ZNF136: variants seen among roughly 807,000 people sequenced by gnomAD.
The protein encoded by ZNF136 is zinc finger protein 136 (clone pHZ-20).
In ZNF136, 8 loss-of-function variants were observed where a neutral mutation model predicts 11.4. The ratio of observed to expected loss-of-function variants is 0.70; its 90% CI spans 0.41 to 1.27. ZNF136 has a LOEUF of 1.27. Among genes scored for constraint, ZNF136 ranks in the 50% most tolerant of loss-of-function variants. ZNF136 has a pLI of 0.01. For synonymous variants in ZNF136, 190 were observed against 207.1 expected (o/e 0.92, Z 0.71); for missense variants, 590 against 656.5 (o/e 0.90, Z 1.11).
At position 12,189,838 on chromosome 19, in the gene ZNF136, C is replaced by T. The variant is rs1009639181; in HGVS notation, c.*1837C>T. The T allele has an allele frequency of 6.6e-6, 1 of 152,172 alleles. No individual in the cohort carries two copies. The highest frequency in any genetic ancestry group is 6.5e-5 in the Admixed American group (1 of 15,272). The allele number at this position is 152,172 out of a possible 1,614,324, so 9.4% of individuals were successfully genotyped here. ...TATAATTGATTTTGGGATAAGGAGA[C>T]AGCTATGATAGAATAATAAAATCTA... is the stretch of plus-strand genomic sequence containing the variant. On this transcript the variant is annotated 3_prime_UTR_variant, in exon 4 of 4. Transcript: ENST00000343979.
At chr19:12,178,253 C>T (rs76355966) in intron 1 of ZNF136, among the ~76,000 whole-genome samples, 2,140 of 152,296 alleles carry the variant, frequency 0.014, 44 homozygotes, top group African/African-American at 0.049. Flanking sequence ...GCCTGCCTTT[C>T]CACTCTGTTA....
At chr19:12,174,855 T>C (rs928838717) in intron 1 of ZNF136, among the ~76,000 whole-genome samples, 3 of 145,560 alleles carry the variant, frequency 2.1e-5, no homozygotes, top group Admixed American at 2.0e-4. Flanking sequence ...CAGGATGGCT[T>C]TCTTTTTTTT....
chr19:12,186,148 C>A lies in ZNF136; in HGVS notation c.165C>A (p.His55Gln). Residue 55 changes from histidine (H) to glutamine (Q), a missense_variant, in exon 3 of 4, where the codon CAC (histidine) becomes CAA (glutamine). His to Gln is a conservative substitution (Grantham distance 24). Transcript: ENST00000343979. ...GGAAGGACCAGAACATTAAAGATCA[C>A]TACAAACACCGAGGGAGAAATCTAA... The part of the protein sequence containing the change: ...KKWKDQNIKD[H>Q]YKHRGRNLRS... 1.2e-6 allele frequency: 2 copies of A among 1,611,502 alleles called. No homozygotes were observed. The highest frequency in any genetic ancestry group is 8.5e-7 in the Non-Finnish European group (1 of 1,179,384).
In ZNF136 at chr19:12,187,264, C is replaced by G. The variant is rs565323783; in HGVS notation, c.886C>G (p.Arg296Gly). The G allele has an allele frequency of 6.2e-7, 1 of 1,613,928 alleles. No individual in the cohort carries two copies. Among genetic ancestry groups the G allele is most frequent in the Non-Finnish European group, 8.5e-7 (1 of 1,179,970 alleles). The change falls in exon 4 of 4, where the codon CGA (arginine) becomes GGA (glycine). Residue 296 changes from arginine (R) to glycine (G), a missense_variant. Transcript: ENST00000343979. ...GKAFSCSPTLRIHERTHTGEK... is the reference protein window; with the variant it reads ...GKAFSCSPTLGIHERTHTGEK... Reference sequence around the variant, plus strand: ...AGCCTTCAGTTGTTCCCCAACCTTACGAATACATGAAAGAACCCATACTGG... The same window carrying G: ...AGCCTTCAGTTGTTCCCCAACCTTAGGAATACATGAAAGAACCCATACTGG...
intron 1 of ZNF136, among the ~76,000 whole-genome samples, chr19:12,168,522 A>G (rs779704299): frequency 2.6e-5 from 4 of 151,918 alleles, no homozygotes; most frequent in Non-Finnish European, 5.9e-5. Flanking sequence ...TCCTGTAGGG[A>G]AGGGGGTCCT....
chr19:12,182,533 ACT>A (rs1914971672), intron 1 of ZNF136, among the ~76,000 whole-genome samples: 1 of 152,154 alleles, frequency 6.6e-6, no homozygotes, highest in Admixed American at 6.5e-5. Context: ...CTCTTGGGAC[ACT>A]CAGCTTGTTT....
chr19:12,166,095 G>C (rs1213185235), intron 1 of ZNF136, among the ~76,000 whole-genome samples: 3 of 152,050 alleles, frequency 2.0e-5, no homozygotes, highest in African/African-American at 7.2e-5. Context: ...AGGTGTGGTG[G>C]TGGGCGCCTA....
chr19:12,178,504 A>G (rs1400133177), intron 1 of ZNF136, among the ~76,000 whole-genome samples: 4 of 152,184 alleles, frequency 2.6e-5, no homozygotes, highest in Non-Finnish European at 4.4e-5. Context: ...CATAGTATGT[A>G]TTATTTCCTC....
intron 3 of ZNF136, among the ~76,000 whole-genome samples, 194 bp from the exon 4 acceptor site, chr19:12,186,376 A>G (rs1055366310): frequency 6.6e-6 from 1 of 152,238 alleles, no homozygotes; most frequent in African/African-American, 2.4e-5. Context: ...TTAAGAAACT[A>G]TTTAAGAATA....
chr19:12,184,258 T>C (rs1181664793), intron 1 of ZNF136, among the ~76,000 whole-genome samples: 1 of 119,004 alleles, frequency 8.4e-6, no homozygotes, highest in Non-Finnish European at 1.7e-5. Context: ...AGAGCAAGAC[T>C]CCATCCAAAA....
intron 1 of ZNF136, among the ~76,000 whole-genome samples, chr19:12,183,015 A>G (rs1025052424): frequency 6.6e-6 from 1 of 152,220 alleles, no homozygotes; most frequent in African/African-American, 2.4e-5. Context: ...TGAGAGGTGT[A>G]TCTCAGAAAA....
intron 1 of ZNF136, among the ~76,000 whole-genome samples, chr19:12,176,827 G>A (rs1207054939): frequency 6.6e-6 from 1 of 152,162 alleles, no homozygotes; most frequent in African/African-American, 2.4e-5. Flanking sequence ...GGCCTGGGCT[G>A]TGTTTGTCTC....
chr19:12,181,145 C>T (rs1214250192), intron 1 of ZNF136, among the ~76,000 whole-genome samples: 1 of 152,204 alleles, frequency 6.6e-6, no homozygotes. Context: ...TCTGTGCTGG[C>T]CGTGGTAGCC....
At chr19:12,172,705 A>G (rs1373268513) in intron 1 of ZNF136, among the ~76,000 whole-genome samples, 1 of 152,170 alleles carries the variant, frequency 6.6e-6, no homozygotes, top group African/African-American at 2.4e-5. Flanking sequence ...AAATAACAGA[A>G]GGAGTTTATT....
At chr19:12,177,415 T>C (rs1340875060) in intron 1 of ZNF136, among the ~76,000 whole-genome samples, 3 of 152,232 alleles carry the variant, frequency 2.0e-5, no homozygotes, top group African/African-American at 7.2e-5. Context: ...CGATCTCGGC[T>C]CACTACAACC....
intron 1 of ZNF136, among the ~76,000 whole-genome samples, chr19:12,181,848 G>A (rs1369640496): frequency 6.6e-6 from 1 of 152,144 alleles, no homozygotes; most frequent in African/African-American, 2.4e-5. Flanking sequence ...TATTAGCCAG[G>A]ATGGTTTCGA....
At position 12,163,282 on chromosome 19, in the gene ZNF136, C is replaced by T. The variant is rs201476896; in HGVS notation, c.3+76C>T. The T allele has an allele frequency of 5.3e-6, 7 of 1,329,046 alleles. No homozygotes were observed. The East Asian group carries it at 2.0e-4, about 37-fold the overall frequency. The allele number at this position is 1,329,046 out of a possible 1,614,324, so 82.3% of individuals were successfully genotyped here. A position where few individuals can be genotyped will look rare whatever the true frequency, so the allele number is the denominator to read the frequency against. On this transcript the variant is annotated intron_variant, in intron 1 of 3. Transcript: ENST00000343979. ...ACGACCGGAACTGGCTGTGGCGCGG[C>T]CCGGGCCTTCCCGTGGGCGACTCTG...
chr19:12,171,748 A>T (rs1009847003), intron 1 of ZNF136, among the ~76,000 whole-genome samples: 3 of 151,554 alleles, frequency 2.0e-5, no homozygotes, highest in Non-Finnish European at 4.4e-5. Context: ...AAGGGTGGGG[A>T]AGGGTACTCT....
chr19:12,175,282 C>T (rs1274335887), intron 1 of ZNF136, among the ~76,000 whole-genome samples: 1 of 151,780 alleles, frequency 6.6e-6, no homozygotes, highest in African/African-American at 2.4e-5. Context: ...GCAACCTCCA[C>T]CTCCTGGGCT....
Sources: gnomAD v4.1 joint callset for allele counts (sites outside exome capture counted in the v4.1 genomes callset) on GRCh38, gnomAD v4.1.1 for gene constraint, MANE v1.5 for transcripts, NCBI Gene and HGNC (gene_info 2026-07-23, HGNC 2026-07-21) for gene names.